CNTNAP2: variants seen among roughly 807,000 people sequenced by gnomAD.
CNTNAP2 encodes contactin associated protein 2.
A neutral mutation model predicts 155.2 loss-of-function variants in CNTNAP2; 98 were observed. The observed-to-expected ratio is 0.63, with a 90% CI of 0.54 to 0.75. CNTNAP2 has a LOEUF of 0.75. Among genes scored for constraint, CNTNAP2 ranks in the 30% least tolerant of loss-of-function variants. The pLI is 0.00. For synonymous variants in CNTNAP2, 651 were observed against 631.2 expected (o/e 1.03, Z -0.47); for missense variants, 1,727 against 1,688.1 (o/e 1.02, Z -0.40).
chr7:146,940,013 T>A (rs919639624), intron 3 of CNTNAP2, among the ~76,000 whole-genome samples: 1 of 152,134 alleles, frequency 6.6e-6, no homozygotes, highest in Admixed American at 6.6e-5. Context: ...TGAGGTGTGG[T>A]TTACACTACA....
At chr7:146,703,597 AGGTTTAAGCAGATCTG>A (rs1800914185) in intron 1 of CNTNAP2, among the ~76,000 whole-genome samples, 1 of 152,182 alleles carries the variant, frequency 6.6e-6, no homozygotes, top group South Asian at 2.1e-4. Flanking sequence ...TCCAAGATCA[AGGTTTAAGCAGATCTG>A]GGGCCTGGTG....
At chr7:147,719,647 G>T (rs1490553655) in intron 13 of CNTNAP2, among the ~76,000 whole-genome samples, 1 of 151,874 alleles carries the variant, frequency 6.6e-6, no homozygotes, top group Non-Finnish European at 1.5e-5. Flanking sequence ...CACTAGGTAG[G>T]GGTATGAAAT....
chr7:146,420,800 A>G (rs1339777011), intron 1 of CNTNAP2, among the ~76,000 whole-genome samples: 2 of 152,232 alleles, frequency 1.3e-5, no homozygotes, highest in African/African-American at 2.4e-5. Context: ...TAATGTAGGA[A>G]TTGTAACATT....
intron 12 of CNTNAP2, among the ~76,000 whole-genome samples, chr7:147,608,543 C>T (rs2116872809): frequency 6.6e-6 from 1 of 152,150 alleles, no homozygotes; most frequent in East Asian, 1.9e-4. Flanking sequence ...TTCAAGCAAT[C>T]CTCCTGCCTC....
In CNTNAP2 at chr7:146,742,594, C is replaced by A. The variant is rs1801738463; in HGVS notation, c.98-31677C>A. Reference sequence around the variant, plus strand: ...GGACTGAAGAGCGGAAGATTAGCAGCAGAGAGAGAAATCAGAAGGCTGTAC... The same window carrying A: ...GGACTGAAGAGCGGAAGATTAGCAGAAGAGAGAGAAATCAGAAGGCTGTAC... On this transcript the variant is annotated intron_variant, in intron 1 of 23. Transcript: ENST00000361727. Among the ~76,000 whole-genome samples the A allele has an allele frequency of 2.6e-5, 4 of 151,812 alleles. No homozygotes were observed. The South Asian group carries it at 8.3e-4, about 32-fold the overall frequency.
intron 1 of CNTNAP2, among the ~76,000 whole-genome samples, chr7:146,677,136 C>G (rs750782389): frequency 6.6e-6 from 1 of 152,076 alleles, no homozygotes; most frequent in Non-Finnish European, 1.5e-5. Context: ...TATAGTGGTT[C>G]AGTCTGAAAA....
At chr7:146,974,247 A>T (rs1584759731) in intron 3 of CNTNAP2, among the ~76,000 whole-genome samples, 1 of 151,986 alleles carries the variant, frequency 6.6e-6, no homozygotes, top group African/African-American at 2.4e-5. Context: ...GGAGTTCAAG[A>T]CCAGCCTGGC....
At chr7:147,929,345 G>A (rs144344114) in intron 14 of CNTNAP2, among the ~76,000 whole-genome samples, 369 of 152,182 alleles carry the variant, frequency 2.4e-3, no homozygotes, top group African/African-American at 8.4e-3. Context: ...TGGAGGTGAG[G>A]AGAAGGACTC....
chr7:146,217,390 C>T (rs10270135), intron 1 of CNTNAP2, among the ~76,000 whole-genome samples: 26 of 152,070 alleles, frequency 1.7e-4, no homozygotes, highest in African/African-American at 5.6e-4. Flanking sequence ...ATTTCAGGAT[C>T]GGGGTACACA....
intron 13 of CNTNAP2, among the ~76,000 whole-genome samples, chr7:147,786,321 T>A (rs560103588): frequency 6.6e-6 from 1 of 152,096 alleles, no homozygotes; most frequent in Admixed American, 6.5e-5. Flanking sequence ...ATGCATACTC[T>A]AGGATGGGCA....
chr7:147,111,212 T>G (rs1584850328), intron 5 of CNTNAP2, among the ~76,000 whole-genome samples: 1 of 152,198 alleles, frequency 6.6e-6, no homozygotes, highest in East Asian at 1.9e-4. Flanking sequence ...GCCCACATTT[T>G]TATGAGGTTG....
chr7:146,983,033 G>T (rs1037224767), intron 3 of CNTNAP2, among the ~76,000 whole-genome samples: 38 of 152,226 alleles, frequency 2.5e-4, no homozygotes, highest in African/African-American at 8.9e-4. Flanking sequence ...AAAGTACACT[G>T]TTAACATAAT....
chr7:147,398,482 T>G (rs1796857948), intron 10 of CNTNAP2, among the ~76,000 whole-genome samples: 1 of 151,452 alleles, frequency 6.6e-6, no homozygotes, highest in South Asian at 2.1e-4. Context: ...ATAGAATGTT[T>G]GGAGATAATA....
intron 11 of CNTNAP2, among the ~76,000 whole-genome samples, chr7:147,505,293 A>T (rs1435347387): frequency 6.6e-6 from 1 of 152,150 alleles, no homozygotes; most frequent in South Asian, 2.1e-4. Flanking sequence ...AAATGACTAA[A>T]TTCAAAGCAA....
chr7:148,121,527 G>GC (rs1804594584), intron 16 of CNTNAP2, among the ~76,000 whole-genome samples: 1 of 152,108 alleles, frequency 6.6e-6, no homozygotes, highest in Admixed American at 6.5e-5. Context: ...CTGTCTCTAT[G>GC]TTTTTCCCAT....
In CNTNAP2 at chr7:148,340,834, G is replaced by T. The variant is rs1798216849; in HGVS notation, c.3476-42815G>T. ...TAATGGGATGAGAGAGACTAAGAGA[G>T]AACAGAAAGTGTAATTACCGCCTCT... is the stretch of plus-strand genomic sequence containing the variant. On this transcript the variant is annotated intron_variant, in intron 21 of 23. Transcript: ENST00000361727. Among the ~76,000 whole-genome samples the T allele has an allele frequency of 2.0e-5, 3 of 152,190 alleles. No individual in the cohort carries two copies. In the South Asian group the frequency reaches 6.2e-4, roughly 32 times the overall value.
At chr7:147,577,019 G>T (rs780804356) in intron 12 of CNTNAP2, among the ~76,000 whole-genome samples, 5 of 152,038 alleles carry the variant, frequency 3.3e-5, no homozygotes, top group Non-Finnish European at 7.4e-5. Context: ...CCTATGAGTT[G>T]ACTATCCAGG....
At chr7:148,316,409 G>A (rs1464621978) in intron 21 of CNTNAP2, among the ~76,000 whole-genome samples, 3 of 151,998 alleles carry the variant, frequency 2.0e-5, no homozygotes, top group African/African-American at 7.2e-5. Context: ...GTCAGATTCA[G>A]AGCATGACCA....
At chr7:147,722,532 G>A (rs1355632428) in intron 13 of CNTNAP2, among the ~76,000 whole-genome samples, 2 of 152,054 alleles carry the variant, frequency 1.3e-5, no homozygotes, top group African/African-American at 2.4e-5. Flanking sequence ...ACAAGCATAT[G>A]AAGGGAAATA....
Sources: gnomAD v4.1 joint callset for allele counts (sites outside exome capture counted in the v4.1 genomes callset) on GRCh38, gnomAD v4.1.1 for gene constraint, MANE v1.5 for transcripts, NCBI Gene and HGNC (gene_info 2026-07-23, HGNC 2026-07-21) for gene names.